Variants in CTNNA3 observed in about 807,000 individuals in gnomAD.
CTNNA3 encodes catenin alpha 3.
In CTNNA3, 76 loss-of-function variants were observed where a neutral mutation model predicts 95.7. The ratio of observed to expected loss-of-function variants is 0.79; its 90% CI spans 0.66 to 0.96. CTNNA3 has a LOEUF of 0.96. Among genes scored for constraint, CTNNA3 ranks in the 40% least tolerant of loss-of-function variants. The pLI is 0.00. For missense variants in CTNNA3, 1,191 were observed against 1,089.8 expected (o/e 1.09, Z -1.31); for synonymous variants, 431 against 374.4 (o/e 1.15, Z -1.74).
chr10:66,503,475 A>AT (rs71466884), intron 11 of CTNNA3, among the ~76,000 whole-genome samples: 6,230 of 149,328 alleles, frequency 0.042, 320 homozygotes, highest in East Asian at 0.22. Context: ...CCAAAAACAG[A>AT]TTTTTTTTTT....
At chr10:67,604,678 T>C (rs1843206580) in intron 3 of CTNNA3, among the ~76,000 whole-genome samples, 1 of 152,160 alleles carries the variant, frequency 6.6e-6, no homozygotes, top group African/African-American at 2.4e-5. Flanking sequence ...CCTGCATATG[T>C]ACCCTGAACC....
rs2133622733 is a variant in CTNNA3, at chr10:66,076,040, T to C, written c.1978-6551A>G. 2.6e-5 allele frequency among the ~76,000 whole-genome samples: 4 copies of C among 151,768 alleles called. 1 individual carries two copies. In the South Asian group the frequency reaches 8.3e-4, roughly 31 times the overall value. The stretch of plus-strand genomic sequence containing the variant: ...TTCTAATTAATTCATATCACTCATA[T>C]GAATGGGTAGCTAGAACTCAACATT... On this transcript the variant is annotated intron_variant, in intron 14 of 17. Transcript: ENST00000433211.
chr10:65,929,551 G>A (rs957275646), intron 17 of CTNNA3, among the ~76,000 whole-genome samples: 1 of 151,610 alleles, frequency 6.6e-6, no homozygotes, highest in Non-Finnish European at 1.5e-5. Flanking sequence ...CATAAATGAA[G>A]CTATAGCTTT....
intron 3 of CTNNA3, among the ~76,000 whole-genome samples, chr10:67,566,374 C>A (rs956875429): frequency 6.6e-6 from 1 of 151,438 alleles, no homozygotes; most frequent in Non-Finnish European, 1.5e-5. Context: ...CATGAACAGA[C>A]ACTTCTCAAA....
chr10:67,200,153 G>A (rs1863576854), intron 6 of CTNNA3, among the ~76,000 whole-genome samples: 1 of 152,056 alleles, frequency 6.6e-6, no homozygotes, highest in Non-Finnish European at 1.5e-5. Context: ...AATATAGGAA[G>A]AAATTGGCTG....
At chr10:67,351,628 T>C (rs1842642608) in intron 5 of CTNNA3, among the ~76,000 whole-genome samples, 1 of 151,982 alleles carries the variant, frequency 6.6e-6, no homozygotes, top group Admixed American at 6.6e-5. Flanking sequence ...GTTTATAGAT[T>C]TTTATACCTT....
rs188069380 is a variant in CTNNA3, at chr10:66,691,107, G to T, written c.1282-69323C>A. Among the ~76,000 whole-genome samples, 119 of 152,294 alleles carry T rather than the reference G, an allele frequency of 7.8e-4. 1 individual carries two copies. In the East Asian group the frequency reaches 0.02, roughly 26 times the overall value. ...CACTAGGGAGTGCCAGACAGTGGAC[G>T]CAGGACAGTGGGTGCAGTGCACCGT... On this transcript the variant is annotated intron_variant, in intron 9 of 17. Transcript: ENST00000433211.
At chr10:66,374,606 CTTTTTTT>C (rs58880058) in intron 12 of CTNNA3, among the ~76,000 whole-genome samples, 2 of 88,150 alleles carry the variant, frequency 2.3e-5, no homozygotes, top group South Asian at 4.6e-4. Context: ...AAAGAAAAGC[CTTTTTTT>C]TTTTTTTTTT....
intron 5 of CTNNA3, among the ~76,000 whole-genome samples, chr10:67,308,930 A>G (rs1840669728): frequency 1.3e-5 from 2 of 152,164 alleles, no homozygotes; most frequent in Admixed American, 6.6e-5. Context: ...ATTCTCAAAA[A>G]GTTTACTTCT....
At chr10:66,822,848 CAGTA>C (rs1216133453) in intron 7 of CTNNA3, among the ~76,000 whole-genome samples, 1 of 152,212 alleles carries the variant, frequency 6.6e-6, no homozygotes, top group Non-Finnish European at 1.5e-5. Flanking sequence ...CTGATTGATT[CAGTA>C]AGTAAGGAAC....
intron 11 of CTNNA3, among the ~76,000 whole-genome samples, chr10:66,410,895 A>C (rs1564936513): frequency 6.6e-6 from 1 of 152,194 alleles, no homozygotes; most frequent in Non-Finnish European, 1.5e-5. Context: ...CAAGCATTTA[A>C]ACCAGCGGAA....
chr10:66,100,617 T>C (rs954696823), intron 14 of CTNNA3, among the ~76,000 whole-genome samples: 4 of 152,152 alleles, frequency 2.6e-5, no homozygotes, highest in Non-Finnish European at 5.9e-5. Context: ...AGTTTCAGGG[T>C]AGTTTCCACA....
chr10:66,812,793 G>A (rs967913702), intron 7 of CTNNA3, among the ~76,000 whole-genome samples: 2 of 152,074 alleles, frequency 1.3e-5, no homozygotes, highest in African/African-American at 2.4e-5. Flanking sequence ...AGCCAGTCCA[G>A]AAATTCTAGA....
intron 13 of CTNNA3, among the ~76,000 whole-genome samples, chr10:66,231,865 T>A (rs2089606442): frequency 6.6e-6 from 1 of 152,120 alleles, no homozygotes; most frequent in South Asian, 2.1e-4. Flanking sequence ...AAGCCCCCAT[T>A]CTCTCTCTAC....
chr10:67,564,331 A>T (rs1273162495), intron 3 of CTNNA3, among the ~76,000 whole-genome samples: 2 of 149,662 alleles, frequency 1.3e-5, no homozygotes, highest in Admixed American at 1.3e-4. Flanking sequence ...GGATGGGTTG[A>T]TGTCCTTTGT....
chr10:67,732,519 A>G (rs1311461340), intron 1 of CTNNA3, among the ~76,000 whole-genome samples: 1 of 152,222 alleles, frequency 6.6e-6, no homozygotes, highest in African/African-American at 2.4e-5. Flanking sequence ...GATTCTTGAC[A>G]TAACTTTCTA....
At chr10:66,877,119 T>G (rs1310890533) in intron 7 of CTNNA3, among the ~76,000 whole-genome samples, 2 of 152,136 alleles carry the variant, frequency 1.3e-5, no homozygotes, top group Non-Finnish European at 2.9e-5. Flanking sequence ...TCACTCCTAC[T>G]TCATGGTTGG....
intron 3 of CTNNA3, among the ~76,000 whole-genome samples, chr10:67,549,362 C>T (rs1253159574): frequency 6.6e-6 from 1 of 152,064 alleles, no homozygotes; most frequent in Non-Finnish European, 1.5e-5. Flanking sequence ...CACCATGCTG[C>T]CCCAAAACCA....
chr10:66,456,928 T>C (rs547019920), intron 11 of CTNNA3, among the ~76,000 whole-genome samples: 5 of 152,030 alleles, frequency 3.3e-5, no homozygotes, highest in Admixed American at 2.6e-4. Context: ...AACCCATCTC[T>C]ACAAATTTTT....
Sources: allele counts gnomAD v4.1 joint callset (sites outside exome capture counted in the v4.1 genomes callset), GRCh38; gene constraint gnomAD v4.1.1; transcripts MANE v1.5; gene names NCBI Gene and HGNC (gene_info 2026-07-23, HGNC 2026-07-21).